Variants in SOAT2 observed in about 807,000 individuals in gnomAD.
The protein encoded by SOAT2 is sterol O-acyltransferase 2, also known as ACAT-2.
In SOAT2, 87 loss-of-function variants were observed where a neutral mutation model predicts 76.0. That is an observed-to-expected ratio of 1.14 (90% confidence interval 0.96 to 1.37). The LOEUF (loss-of-function observed/expected upper bound fraction) is 1.37. Ranked by LOEUF, SOAT2 falls within the 40% of genes most tolerant of loss-of-function variation. The probability of loss-of-function intolerance (pLI) is 0.00; values close to 1 mark genes in which losing one functional copy is unlikely to be tolerated. For missense variants in SOAT2, 686 were observed against 682.1 expected, an observed-to-expected ratio of 1.01 and a Z score of -0.06; for synonymous variants, 285 against 275.4, an observed-to-expected ratio of 1.03 and a Z score of -0.34.
Position 53,120,822 on chromosome 12 carries a change from T to C in SOAT2, c.1076T>C (p.Leu359Pro), listed in dbSNP as rs752818555. The C allele has an allele frequency of 6.2e-7, 1 of 1,613,958 alleles. No individual in the cohort carries two copies. Among genetic ancestry groups the C allele is most frequent in the East Asian group, 2.2e-5 (1 of 44,854 alleles). Reference protein sequence around the residue: ...FMLLLIFFAFLHCWLNAFAEM... With the variant: ...FMLLLIFFAFPHCWLNAFAEM... ...CTGCTGCTCATCTTCTTTGCCTTCC[T>C]CCATTGCTGGCTCAACGCCTTTGCC... is the stretch of plus-strand genomic sequence containing the variant. Residue 359 changes from leucine (L) to proline (P), a missense_variant, in exon 11 of 15, where the codon CTC (leucine) becomes CCC (proline). Coordinates refer to ENST00000301466, the MANE Select transcript of SOAT2 (RefSeq NM_003578.4).
intron 5 of SOAT2, among the ~76,000 whole-genome samples, 190 bp from the exon 6 acceptor site, chr12:53,115,200 T>C (rs1456083295): frequency 6.6e-6 from 1 of 152,148 alleles, no homozygotes; most frequent in Non-Finnish European, 1.5e-5. Context: ...AGAATCAAAC[T>C]CATGCCATGA....
chr12:53,123,357 G>A (rs970779853), intron 13 of SOAT2, 141 bp downstream of exon 13: 8 of 1,064,406 alleles, frequency 7.5e-6, no homozygotes, highest in Admixed American at 4.6e-5. Context: ...GTGGAGTCAA[G>A]GGGGTACTTG....
At position 53,124,077 on chromosome 12, in the gene SOAT2, C is replaced by T. The variant is rs1938238445; in HGVS notation, c.1523C>T (p.Thr508Ile). 1 of 1,614,096 alleles carries T rather than the reference C, an allele frequency of 6.2e-7. No individual in the cohort carries two copies. Among genetic ancestry groups the T allele is most frequent in the African/African-American group, 1.3e-5 (1 of 74,932 alleles). Residue 508 changes from threonine (T) to isoleucine (I), a missense_variant, in exon 15 of 15, where the codon ACT (threonine) becomes ATT (isoleucine). Transcript: ENST00000301466. ...ACTTATTCTTCTCTGGCTCAGGCAA[C>T]TTTCTGGGGGCTGGTGACACCTCGA... ...ARRHCPLPQATFWGLVTPRSW... is the reference protein window; with the variant it reads ...ARRHCPLPQAIFWGLVTPRSW...
In SOAT2 at chr12:53,106,110, T is replaced by C. The variant is rs546892969; in HGVS notation, c.443+96T>C. On this transcript the variant is annotated intron_variant, in intron 5 of 14. Coordinates refer to ENST00000301466, the MANE Select transcript of SOAT2 (RefSeq NM_003578.4). ...TGCCCTTGGGGCAAGAGGACACAGG[T>C]TCCCCCTTTGGTTATTGGACATGTA... 82 of 791,110 alleles carry C rather than the reference T, an allele frequency of 1.0e-4. 1 individual carries two copies. Among genetic ancestry groups the C allele is most frequent in the Middle Eastern group, 7.2e-4 (2 of 2,796 alleles). The allele number at this position is 791,110 out of a possible 1,614,324, so 49.0% of individuals were successfully genotyped here. A position where few individuals can be genotyped will look rare whatever the true frequency, so the allele number is the denominator to read the frequency against.
chr12:53,121,343 C>G lies in SOAT2; in HGVS notation c.1178C>G (p.Thr393Ser). 1 of 1,614,182 alleles carries G rather than the reference C, an allele frequency of 6.2e-7. No individual in the cohort carries two copies. ...NSTSFSNYYR[T>S]WNVVVHDWLY... Reference sequence around the variant, plus strand: ...ACGTCCTTCTCCAACTACTACCGCACTTGGAACGTGGTGGTCCATGACTGG... The same window carrying G: ...ACGTCCTTCTCCAACTACTACCGCAGTTGGAACGTGGTGGTCCATGACTGG... The change falls in exon 12 of 15, where the codon ACT becomes AGT. Residue 393 changes from threonine (T) to serine (S), a missense_variant. Physicochemically the swap from Thr to Ser is moderately conservative, Grantham distance 58 (BLOSUM62 1). Transcript: ENST00000301466.
At position 53,119,217 on chromosome 12, in the gene SOAT2, G is replaced by A. The variant is rs760227515; in HGVS notation, c.1003G>A (p.Ala335Thr). The A allele has an allele frequency of 1.3e-5, 21 of 1,614,126 alleles. No homozygotes were observed. The highest frequency in any genetic ancestry group is 1.8e-5 in the Non-Finnish European group (21 of 1,180,018). Residue 335 changes from alanine (A) to threonine (T), a missense_variant, in exon 10 of 15, where the codon GCC becomes ACC. Transcript: ENST00000301466. ...NMSREPFSTR[A>T]LVLSILHATL... ...GAGCCGAGAGCCCTTCAGCACCCGT[G>A]CCCTGGTGCTCTCTATCCTGCATGC... is the stretch of plus-strand genomic sequence containing the variant.
chr12:53,119,381 T>C (rs12825176), intron 10 of SOAT2, 128 bp downstream of exon 10: 66,629 of 1,008,584 alleles, frequency 0.066, 2,902 homozygotes, highest in East Asian at 0.17. Context: ...ATCTGTCCCC[T>C]CCTATCAGGG....
chr12:53,121,700 C>T (rs551580609), intron 12 of SOAT2, among the ~76,000 whole-genome samples: 1 of 148,150 alleles, frequency 6.7e-6, no homozygotes, highest in East Asian at 2.1e-4. Flanking sequence ...AGGGTTTTTA[C>T]ATACATTTAA....
rs1937872018 is a variant in SOAT2, at chr12:53,103,583, G to T, written c.6G>T (p.Glu2Asp). M[E>D]PGGARLRLQR... is the part of the protein sequence containing the mutation. ...TGCCCGCTGGAGACCGCACCATGGA[G>T]CCAGGCGGGGCCCGTCTGCGTCTGC... The change falls in exon 1 of 15, where the codon GAG becomes GAT. Residue 2 changes from glutamate (E) to aspartate (D), a missense_variant. By Grantham distance (45) the Glu-to-Asp change is conservative (BLOSUM62 2). Transcript: ENST00000301466. 1 of 1,546,366 alleles carries T rather than the reference G, an allele frequency of 6.5e-7. No individual in the cohort carries two copies.
In SOAT2 at chr12:53,115,621, G is replaced by C; in HGVS notation, c.675G>C (p.Pro225=). ...PVHVAVEHQL[P]PASRCVLVFE... is the part of the protein sequence containing the mutation. ...ACGTGGCCGTGGAGCATCAGCTCCC[G>C]CCGGCCTCCCGTTGTGTCCTGGTCT... is the stretch of plus-strand genomic sequence containing the variant. Residue 225 remains proline, a synonymous_variant, in exon 6 of 15, where the codon CCG becomes CCC. Coordinates refer to ENST00000301466, the MANE Select transcript of SOAT2 (RefSeq NM_003578.4). 2.6e-6 allele frequency: 4 copies of C among 1,559,302 alleles called. No individual in the cohort carries two copies. The highest frequency in any genetic ancestry group is 3.4e-6 in the Non-Finnish European group (4 of 1,159,464).
intron 12 of SOAT2, 55 bp downstream of exon 12, chr12:53,121,456 T>C (rs1367036906): frequency 1.5e-6 from 2 of 1,339,128 alleles, no homozygotes; most frequent in Non-Finnish European, 2.1e-6. Context: ...CTCTCCTTCC[T>C]TCCCTCTCCT....
chr12:53,123,855 G>T lies in SOAT2; in HGVS notation c.1500G>T (p.Arg500=). 1.9e-6 allele frequency: 3 copies of T among 1,614,100 alleles called. No individual in the cohort carries two copies. The highest frequency in any genetic ancestry group is 2.5e-6 in the Non-Finnish European group (3 of 1,180,016). ...ACTGCCAGGAGTGGTACGCACGGCG[G>T]CACTGCCCCTTACCCCAGGTAAGAG... is the stretch of plus-strand genomic sequence containing the variant. The part of the protein sequence containing the change: ...SLYCQEWYAR[R]HCPLPQATFW... Residue 500 remains arginine, a synonymous_variant, in exon 14 of 15, where the codon CGG becomes CGT. Coordinates refer to ENST00000301466, the MANE Select transcript of SOAT2 (RefSeq NM_003578.4).
In SOAT2 at chr12:53,105,190, C is replaced by A; in HGVS notation, c.222C>A (p.Ser74=). 6.3e-7 allele frequency: 1 copy of A among 1,599,076 alleles called. No individual in the cohort carries two copies. The highest frequency in any genetic ancestry group is 2.3e-5 in the East Asian group (1 of 44,012). Residue 74 remains serine, a synonymous_variant, in exon 3 of 15, where the codon TCC becomes TCA. Coordinates refer to ENST00000301466, the MANE Select transcript of SOAT2 (RefSeq NM_003578.4). The part of the protein sequence containing the change: ...LDRAMREAIQ[S]YPSQDKPLPP... ...GGGCCATGCGGGAGGCTATACAATCCTACCCATCACAAGACAAACCTCTGC... is the reference window on the plus strand; with the variant it reads ...GGGCCATGCGGGAGGCTATACAATCATACCCATCACAAGACAAACCTCTGC...
At chr12:53,105,373 C>G (rs117788946) in intron 3 of SOAT2, 130 bp downstream of exon 3, 46,563 of 1,291,546 alleles carry the variant, frequency 0.036, 1,010 homozygotes, top group Non-Finnish European at 0.043. Flanking sequence ...CCTTGTCTTC[C>G]TAACACTGAC....
In SOAT2 at chr12:53,124,371, T is replaced by A; in HGVS notation, c.*248T>A. 1.7e-6 allele frequency: 1 copy of A among 578,740 alleles called. No individual in the cohort carries two copies. The highest frequency in any genetic ancestry group is 2.9e-5 in the East Asian group (1 of 35,002). 35.9% of individuals were successfully genotyped at this position (578,740 alleles called of 1,614,324 possible). On this transcript the variant is annotated 3_prime_UTR_variant, in exon 15 of 15. Transcript: ENST00000301466. ...ATCCCCATGGGCTGGGTACAGGATA[T>A]CCTCCTACCCCATGACTGTCTTAGG...
At chr12:53,107,514 CATT>C (rs2121260392) in intron 5 of SOAT2, among the ~76,000 whole-genome samples, 1 of 151,730 alleles carries the variant, frequency 6.6e-6, no homozygotes, top group South Asian at 2.1e-4. Flanking sequence ...AAATTGAAAA[CATT>C]ATTTTGGAGA....
intron 12 of SOAT2, among the ~76,000 whole-genome samples, chr12:53,121,944 A>G (rs1156460983): frequency 1.3e-5 from 2 of 151,208 alleles, no homozygotes; most frequent in South Asian, 2.1e-4. Flanking sequence ...AGTAGCTGGG[A>G]CTACACGCAA....
At chr12:53,117,647 CATG>C (rs1158128775) in intron 7 of SOAT2, among the ~76,000 whole-genome samples, 4 of 151,936 alleles carry the variant, frequency 2.6e-5, no homozygotes, top group Admixed American at 6.6e-5. Context: ...ACCTGTGACT[CATG>C]GTGGTGGAGA....
rs962667274 is a variant in SOAT2, at chr12:53,115,782, G to A, written c.708+128G>A. ...GGCGCTGGAGAAGGCATTGGCAGGGGCGGAGCTAGTTACCGGGGGTGGAGT... is the reference window on the plus strand; with the variant it reads ...GGCGCTGGAGAAGGCATTGGCAGGGACGGAGCTAGTTACCGGGGGTGGAGT... On this transcript the variant is annotated intron_variant, in intron 6 of 14. Transcript: ENST00000301466. 18 of 1,189,708 alleles carry A rather than the reference G, an allele frequency of 1.5e-5. No individual in the cohort carries two copies. The African/African-American group carries it at 2.6e-4, about 17-fold the overall frequency. 73.7% of individuals were successfully genotyped at this position (1,189,708 alleles called of 1,614,324 possible). A position where few individuals can be genotyped will look rare whatever the true frequency, so the allele number is the denominator to read the frequency against.
Sources: allele counts gnomAD v4.1 joint callset (sites outside exome capture counted in the v4.1 genomes callset), GRCh38; gene constraint gnomAD v4.1.1; transcripts MANE v1.5; gene names NCBI Gene and HGNC (gene_info 2026-07-23, HGNC 2026-07-21).